DACT2: variants seen among roughly 807,000 people sequenced by gnomAD.
DACT2 encodes the protein dishevelled binding antagonist of beta catenin 2.
In DACT2, 20 loss-of-function variants were observed where a neutral mutation model predicts 22.2. The observed-to-expected ratio is 0.90, with a 90% CI of 0.63 to 1.31. The LOEUF is 1.31. Ranked by LOEUF, DACT2 falls within the 50% of genes most tolerant of loss-of-function variation. DACT2 has a pLI of 0.00. For missense variants in DACT2, 1,048 were observed against 1,061.4 expected, an observed-to-expected ratio of 0.99 and a Z score of 0.18; for synonymous variants, 463 against 479.8, an observed-to-expected ratio of 0.96 and a Z score of 0.46.
rs1339785262 is a variant in DACT2 at position 168,319,726 on chromosome 6, G to A, written c.-93C>T. ...CGAGCTGTGTCGCGGGTCCTCCTGC[G>A]CCTCCTCTCTCCGCCCCCGGCTCCG... On this transcript the variant is annotated 5_prime_UTR_variant, in exon 1 of 4. Transcript: ENST00000366795. 3 of 1,182,516 alleles carry A rather than the reference G, an allele frequency of 2.5e-6. No homozygotes were observed. The highest frequency in any genetic ancestry group is 3.2e-5 in the African/African-American group (2 of 62,214). 73.3% of individuals were successfully genotyped at this position (1,182,516 alleles called of 1,614,324 possible). A position where few individuals can be genotyped will look rare whatever the true frequency, so the allele number is the denominator to read the frequency against.
chr6:168,293,249 A>G (rs1318705076), exon 6 of DACT2: 1 of 152,388 alleles, frequency 6.6e-6, no homozygotes, highest in Non-Finnish European at 1.5e-5. Context: ...CTATGAATGC[A>G]TGATTGGTTT....
intron 3 of DACT2, among the ~76,000 whole-genome samples, chr6:168,309,756 C>T (rs1211500021): frequency 6.6e-6 from 1 of 152,224 alleles, no homozygotes; most frequent in Non-Finnish European, 1.5e-5. Flanking sequence ...CCAAAAATGA[C>T]ATCTGTGCCT....
At chr6:168,318,090 CCATCA>C (rs1300998428) in intron 1 of DACT2, among the ~76,000 whole-genome samples, 75 of 145,350 alleles carry the variant, frequency 5.2e-4, no homozygotes, top group Admixed American at 2.7e-4. Flanking sequence ...ACCTCCCTTC[CCATCA>C]CATATGTGTA....
chr6:168,307,715 G>A lies in DACT2; in HGVS notation c.2042C>T (p.Thr681Ile). 1 of 1,550,094 alleles carries A rather than the reference G, an allele frequency of 6.5e-7. No homozygotes were observed. The highest frequency in any genetic ancestry group is 8.7e-7 in the Non-Finnish European group (1 of 1,146,894). Reference protein sequence around the residue: ...DPRFPSVIPETSEGESSDHTT... With the variant: ...DPRFPSVIPEISEGESSDHTT... ...GTGGTCACTGGACTCTCCCTCGCTG[G>A]TCTCCGGGATGACTGACGGGAACCG... The change falls in exon 4 of 4, where the codon ACC becomes ATC. Residue 681 changes from threonine (T) to isoleucine (I), a missense_variant. Coordinates refer to ENST00000366795, the MANE Select transcript of DACT2 (RefSeq NM_214462.5). The surrounding 1 kb of genome is among the most constrained non-coding windows in gnomAD (Gnocchi z 5.3).
At chr6:168,303,833 A>G (rs974146539), downstream of DACT2, among the ~76,000 whole-genome samples, 4 of 152,174 alleles carry the variant, frequency 2.6e-5, no homozygotes, top group Non-Finnish European at 5.9e-5. Context: ...AGGTTGGGAC[A>G]TTTTCCCTAA....
chr6:168,306,504 G>A (rs191412966), downstream of DACT2, among the ~76,000 whole-genome samples: 510 of 151,408 alleles, frequency 3.4e-3, 3 homozygotes, highest in African/African-American at 0.012. Flanking sequence ...GTGCAGTGGC[G>A]CAATCTTGGC....
At position 168,307,941 on chromosome 6, in the gene DACT2, G is replaced by A; in HGVS notation, c.1816C>T (p.His606Tyr). 1 of 1,549,186 alleles carries A rather than the reference G, an allele frequency of 6.5e-7. No individual in the cohort carries two copies. The highest frequency in any genetic ancestry group is 8.7e-7 in the Non-Finnish European group (1 of 1,146,868). The change falls in exon 4 of 4, where the codon CAT becomes TAT. Residue 606 changes from histidine to tyrosine, a missense_variant. By Grantham distance (83) the His-to-Tyr change is moderately conservative. Transcript: ENST00000366795. This position sits in a 1 kb window ranked among gnomAD's most constrained non-coding sequence, Gnocchi z 5.3. ...SLLTSVARRK[H>Y]RRWQSTVEIS... ...TCCACGGTGGACTGCCAGCGGCGATGCTTCCTCCTGGCCACTGAGGTGAGC... is the reference window on the plus strand; with the variant it reads ...TCCACGGTGGACTGCCAGCGGCGATACTTCCTCCTGGCCACTGAGGTGAGC...
intron 1 of DACT2, among the ~76,000 whole-genome samples, chr6:168,319,155 C>CAGCCCCGGGCAGT (rs1779583622): frequency 6.6e-6 from 1 of 152,062 alleles, no homozygotes; most frequent in African/African-American, 2.4e-5. Context: ...GCGCGGGCTG[C>CAGCCCCGGGCAGT]AGCCCCGGGC....
intron 4 of DACT2, chr6:168,294,308 A>C: frequency 4.3e-6 from 3 of 694,964 alleles, no homozygotes. Context: ...GAGGACACAG[A>C]GGAAGGGGAA....
At chr6:168,309,310 G>T (rs114319766) in intron 3 of DACT2, among the ~76,000 whole-genome samples, 1 of 151,768 alleles carries the variant, frequency 6.6e-6, no homozygotes, top group Non-Finnish European at 1.5e-5. Flanking sequence ...TAAGACACTG[G>T]GCGCGGGGCA....
At chr6:168,306,785 T>A, downstream of DACT2, 2 of 717,960 alleles carry the variant, frequency 2.8e-6, no homozygotes, top group Non-Finnish European at 3.4e-6. Context: ...CAGAGTTTAG[T>A]CTCTACTCAC....
Position 168,307,623 on chromosome 6 carries a change from C to A in DACT2, c.2134G>T (p.Asp712Tyr). Residue 712 changes from aspartate to tyrosine, a missense_variant, in exon 4 of 4, where the codon GAC becomes TAC. Asp to Tyr is a radical substitution (Grantham distance 160, BLOSUM62 -3). Transcript: ENST00000366795. The surrounding 1 kb of genome is among the most constrained non-coding windows in gnomAD (Gnocchi z 5.3). ...ACATAGCCCAGTGCCAGGTCACAGT[C>A]CCTGCTCTGGGCGCCGCCCTCCTCG... ...SDEEGGAQSR[D>Y]CDLALGYVAA... The A allele has an allele frequency of 6.5e-7, 1 of 1,547,868 alleles. No individual in the cohort carries two copies. The highest frequency in any genetic ancestry group is 1.2e-5 in the South Asian group (1 of 83,678).
chr6:168,303,741 G>T (rs1253806811), downstream of DACT2, among the ~76,000 whole-genome samples: 5 of 152,116 alleles, frequency 3.3e-5, no homozygotes, highest in Non-Finnish European at 7.3e-5. Context: ...AAACTTTGCT[G>T]GGGTGCCCGC....
chr6:168,304,263 A>G (rs534366728), downstream of DACT2, among the ~76,000 whole-genome samples: 2 of 152,330 alleles, frequency 1.3e-5, no homozygotes, highest in African/African-American at 4.8e-5. Flanking sequence ...GTTTAGAGGA[A>G]AAATATGCAC....
In DACT2 at chr6:168,308,342, G is replaced by A; in HGVS notation, c.1415C>T (p.Ser472Leu). ...GTGGGCAAAGTGCCCAGAGGCCGGT[G>A]AGGGGCTCTTGTCCAGCATCCTGGA... Reference protein sequence around the residue: ...SPSRMLDKSPSPASGHFAHPS... With the variant: ...SPSRMLDKSPLPASGHFAHPS... The change falls in exon 4 of 4, where the codon TCA (serine) becomes TTA (leucine). Residue 472 changes from serine (S) to leucine (L), a missense_variant. Ser to Leu is a moderately radical substitution (Grantham distance 145). Transcript: ENST00000366795. 2 of 1,552,028 alleles carry A rather than the reference G, an allele frequency of 1.3e-6. No individual in the cohort carries two copies. Among genetic ancestry groups the A allele is most frequent in the South Asian group, 1.2e-5 (1 of 84,064 alleles).
At chr6:168,310,088 T>C in intron 3 of DACT2, 80 bp downstream of exon 3, 2 of 1,514,816 alleles carry the variant, frequency 1.3e-6, no homozygotes, top group Non-Finnish European at 1.8e-6. Flanking sequence ...TCCCCGGCTC[T>C]GCCCTCAGCA....
downstream of DACT2, among the ~76,000 whole-genome samples, chr6:168,305,918 G>A (rs186513110): frequency 4.5e-3 from 692 of 152,132 alleles, 28 homozygotes; most frequent in Admixed American, 0.043. Context: ...GCACACAGAC[G>A]AGCTCAATGG....
intron 1 of DACT2, among the ~76,000 whole-genome samples, chr6:168,312,590 A>G (rs563585953): frequency 2.8e-4 from 43 of 152,066 alleles, no homozygotes; most frequent in South Asian, 2.1e-4. Context: ...TATAATGAGC[A>G]TGTGTGTGTG....
downstream of DACT2, among the ~76,000 whole-genome samples, chr6:168,302,372 G>A (rs767565795): frequency 2.0e-5 from 3 of 152,162 alleles, no homozygotes; most frequent in Admixed American, 6.5e-5. Flanking sequence ...ATATTTTTGG[G>A]ACCATTTACC....
Sources: allele counts gnomAD v4.1 joint callset (sites outside exome capture counted in the v4.1 genomes callset), GRCh38; gene constraint gnomAD v4.1.1; non-coding constraint Gnocchi (gnomAD v3.1); transcripts MANE v1.5; gene names NCBI Gene and HGNC (gene_info 2026-07-23, HGNC 2026-07-21).